CDKAL1: variants seen among roughly 807,000 people sequenced by gnomAD.
CDKAL1 encodes CDKAL1 threonylcarbamoyladenosine tRNA methylthiotransferase, also known as threonylcarbamoyladenosine tRNA methylthiotransferase.
A neutral mutation model predicts 68.2 loss-of-function variants in CDKAL1; 32 were observed. The observed-to-expected ratio is 0.47, with a 90% confidence interval of 0.35 to 0.63. The LOEUF (loss-of-function observed/expected upper bound fraction) is 0.63, where lower values mean the gene tolerates loss of function less well. Ranked by LOEUF, CDKAL1 falls within the 30% of genes least tolerant of loss-of-function variation. The pLI is 0.00. For missense variants in CDKAL1, 606 were observed against 696.7 expected, an observed-to-expected ratio of 0.87 and a Z score of 1.47; for synonymous variants, 234 against 244.3, an observed-to-expected ratio of 0.96 and a Z score of 0.39.
Position 20,601,289 on chromosome 6 carries a change from G to A in CDKAL1, c.287-48004G>A, listed in dbSNP as rs566645693. ...TCATCCAATGTCATTGATTACTGGG[G>A]CAGCACAACTTGGTGTCCATCTAGT... On this transcript the variant is annotated intron_variant, in intron 4 of 15. Coordinates refer to ENST00000274695, the MANE Select transcript of CDKAL1 (RefSeq NM_017774.3). Among the ~76,000 whole-genome samples the A allele has an allele frequency of 1.6e-4, 24 of 152,142 alleles. No individual in the cohort carries two copies. The South Asian group carries it at 4.4e-3, about 28-fold the overall frequency.
intron 13 of CDKAL1, among the ~76,000 whole-genome samples, chr6:21,181,550 G>C (rs1777790749): frequency 6.6e-6 from 1 of 152,070 alleles, no homozygotes; most frequent in African/African-American, 2.4e-5. Context: ...TTGACTTCCT[G>C]GCCTTTAGAA....
chr6:20,899,621 A>T (rs1761867889), intron 9 of CDKAL1, among the ~76,000 whole-genome samples: 1 of 152,114 alleles, frequency 6.6e-6, no homozygotes, highest in East Asian at 1.9e-4. Flanking sequence ...AGGCAGGCAG[A>T]TCACCGAGGT....
chr6:21,064,326 C>T (rs1015196738), intron 11 of CDKAL1, among the ~76,000 whole-genome samples: 2 of 152,018 alleles, frequency 1.3e-5, no homozygotes, highest in African/African-American at 4.8e-5. Flanking sequence ...AAAAAGGATA[C>T]CAAGAAGCAA....
intron 6 of CDKAL1, 69 bp downstream of exon 6, chr6:20,739,684 A>ATCC: frequency 1.2e-6 from 1 of 814,192 alleles, no homozygotes; most frequent in South Asian, 1.7e-5. Flanking sequence ...TCCGCATTTT[A>ATCC]TTTTCTGTTT....
chr6:20,779,080 C>T (rs1471296616), intron 7 of CDKAL1, among the ~76,000 whole-genome samples: 2 of 152,134 alleles, frequency 1.3e-5, no homozygotes, highest in African/African-American at 4.8e-5. Context: ...AGTATTCAAA[C>T]CACAGTCATA....
At chr6:20,940,601 C>T (rs948093776) in intron 9 of CDKAL1, among the ~76,000 whole-genome samples, 8 of 152,148 alleles carry the variant, frequency 5.3e-5, no homozygotes, top group African/African-American at 1.9e-4. Context: ...TTTGCCCAGG[C>T]TGGAGTGCAA....
chr6:20,998,805 A>G (rs1049749934), intron 10 of CDKAL1, among the ~76,000 whole-genome samples: 12 of 152,228 alleles, frequency 7.9e-5, no homozygotes, highest in Admixed American at 2.6e-4. Context: ...GAAAGTGTGG[A>G]TAAAGGATAT....
chr6:21,145,745 C>T (rs79733191), intron 13 of CDKAL1, among the ~76,000 whole-genome samples: 2,465 of 152,210 alleles, frequency 0.016, 58 homozygotes, highest in African/African-American at 0.049. Flanking sequence ...TACAAAATAT[C>T]AAAAATTCAC....
chr6:20,895,166 T>C (rs751745839), intron 9 of CDKAL1, among the ~76,000 whole-genome samples: 2 of 152,222 alleles, frequency 1.3e-5, no homozygotes, highest in Non-Finnish European at 2.9e-5. Flanking sequence ...ACTGTTTTCT[T>C]TTATGGACCT....
At chr6:21,114,133 C>T (rs942721850) in intron 13 of CDKAL1, among the ~76,000 whole-genome samples, 11 of 150,742 alleles carry the variant, frequency 7.3e-5, no homozygotes, top group Non-Finnish European at 1.6e-4. Flanking sequence ...CTGTAGTCCC[C>T]GCTACTCGGG....
At chr6:21,195,134 C>G (rs545233419) in intron 13 of CDKAL1, among the ~76,000 whole-genome samples, 29 of 152,072 alleles carry the variant, frequency 1.9e-4, no homozygotes, top group African/African-American at 6.7e-4. Flanking sequence ...AAAGCCCTAG[C>G]CTTCCTAGGC....
chr6:20,638,047 G>A (rs897649879), intron 4 of CDKAL1, among the ~76,000 whole-genome samples: 1 of 152,076 alleles, frequency 6.6e-6, no homozygotes, highest in African/African-American at 2.4e-5. Flanking sequence ...GTTTGCAGTA[G>A]GCTAACTTCT....
intron 7 of CDKAL1, among the ~76,000 whole-genome samples, chr6:20,770,701 C>T (rs1441751705): frequency 6.6e-6 from 1 of 152,162 alleles, no homozygotes; most frequent in Non-Finnish European, 1.5e-5. Context: ...CGTGGTCTTT[C>T]ACCATGGGGC....
intron 6 of CDKAL1, among the ~76,000 whole-genome samples, chr6:20,750,145 C>T (rs925798864): frequency 2.6e-5 from 4 of 152,074 alleles, no homozygotes; most frequent in African/African-American, 7.2e-5. Flanking sequence ...GACAAGGTTT[C>T]GCCCTGTCAC....
chr6:21,068,034 A>G (rs1257981169), intron 12 of CDKAL1, among the ~76,000 whole-genome samples: 1 of 149,386 alleles, frequency 6.7e-6, no homozygotes, highest in East Asian at 2.0e-4. Context: ...TCTTTTGCCC[A>G]TCTACCTGTT....
intron 5 of CDKAL1, among the ~76,000 whole-genome samples, chr6:20,725,824 C>T (rs899594659): frequency 6.7e-6 from 1 of 149,024 alleles, no homozygotes; most frequent in African/African-American, 2.5e-5. Context: ...ACACTGAGGA[C>T]TAAACTCTAA....
chr6:20,558,589 C>T (rs562470144), intron 4 of CDKAL1: 247 of 456,570 alleles, frequency 5.4e-4, no homozygotes, highest in South Asian at 3.7e-3. Context: ...GAATGGCTAG[C>T]CTGGGCCAGG....
intron 6 of CDKAL1, among the ~76,000 whole-genome samples, chr6:20,740,463 G>A (rs1305333016): frequency 6.6e-6 from 1 of 152,050 alleles, no homozygotes; most frequent in Admixed American, 6.6e-5. Flanking sequence ...AATATTTGTT[G>A]ATCAAATGAT....
intron 4 of CDKAL1, among the ~76,000 whole-genome samples, chr6:20,621,941 G>A (rs1035240592): frequency 1.3e-5 from 2 of 151,762 alleles, no homozygotes; most frequent in Admixed American, 6.6e-5. Context: ...TATTACTGAG[G>A]TGTCATTTCT....
Sources: gnomAD v4.1 joint callset for allele counts (sites outside exome capture counted in the v4.1 genomes callset) on GRCh38, gnomAD v4.1.1 for gene constraint, MANE v1.5 for transcripts, NCBI Gene and HGNC (gene_info 2026-07-23, HGNC 2026-07-21) for gene names.